The following SNRNP70 variants were observed in gnomAD, a reference collection of about 807,000 sequenced individuals.
The protein encoded by SNRNP70 is small nuclear ribonucleoprotein U1 subunit 70, also known as U1 small nuclear ribonucleoprotein 70 kDa.
A neutral mutation model predicts 50.5 loss-of-function variants in SNRNP70; 8 were observed. That is an observed-to-expected ratio of 0.16 (90% CI 0.09 to 0.29). SNRNP70 has a LOEUF of 0.29. Among genes scored for constraint, SNRNP70 ranks in the 10% least tolerant of loss-of-function variants. SNRNP70 has a pLI of 1.00. For synonymous variants in SNRNP70, 320 were observed against 252.9 expected, an observed-to-expected ratio of 1.27 and a Z score of -2.52; for missense variants, 529 against 663.5, an observed-to-expected ratio of 0.80 and a Z score of 2.23.
rs11398967 is a variant in SNRNP70, at chr19:49,087,177, C to CAAA, written c.147+635_147+637dup. On this transcript the variant is annotated intron_variant, in intron 2 of 9. Coordinates refer to ENST00000598441, the MANE Select transcript of SNRNP70 (RefSeq NM_003089.6). ...CCTGAGCAACAGAACAAGACTGTCT[C>CAAA]AAAAAAAAAAAAAAAAAAAAAGTGG... Among the ~76,000 whole-genome samples the CAAA allele has an allele frequency of 4.0e-3, 405 of 100,268 alleles. 11 individuals are homozygous for CAAA. Among genetic ancestry groups the CAAA allele is most frequent in the African/African-American group, 9.5e-3 (237 of 24,890 alleles). 65.8% of individuals were successfully genotyped at this position (100,268 alleles called of 152,430 possible).
intron 4 of SNRNP70, among the ~76,000 whole-genome samples, chr19:49,094,766 G>A (rs992423247): frequency 1.3e-5 from 2 of 152,206 alleles, no homozygotes; most frequent in African/African-American, 4.8e-5. Context: ...CTTGCTGAGC[G>A]CTTGTACTTG....
At position 49,108,406 on chromosome 19, in the gene SNRNP70, C is replaced by T. The variant is rs1420990441; in HGVS notation, c.1277C>T (p.Pro426Leu). ...GAGGGCGGCGACGGCTACCTGGCTC[C>T]GGAGAATGGGTATTTGATGGAGGCT... ...ESEGGDGYLAPENGYLMEAAP... is the reference protein window; with the variant it reads ...ESEGGDGYLALENGYLMEAAP... Residue 426 changes from proline to leucine, a missense_variant, in exon 10 of 10, where the codon CCG (proline) becomes CTG (leucine). By Grantham distance (98) the Pro-to-Leu change is moderately conservative. This residue lies in a region of SNRNP70 where 327 missense variants were observed against 308.8 expected (regional missense o/e 1.06). Transcript: ENST00000598441. 7 of 1,610,536 alleles carry T rather than the reference C, an allele frequency of 4.3e-6. No individual in the cohort carries two copies. Among genetic ancestry groups the T allele is most frequent in the East Asian group, 2.2e-5 (1 of 44,664 alleles).
chr19:49,108,405 C>G lies in SNRNP70; in HGVS notation c.1276C>G (p.Pro426Ala). The G allele has an allele frequency of 6.2e-7, 1 of 1,610,770 alleles. No homozygotes were observed. The highest frequency in any genetic ancestry group is 1.1e-5 in the South Asian group (1 of 90,456). The change falls in exon 10 of 10, where the codon CCG becomes GCG. Residue 426 changes from proline to alanine, a missense_variant. By Grantham distance (27) the Pro-to-Ala change is conservative. Around this residue, in one of 4 missense-constraint regions of SNRNP70, gnomAD observed 327 missense variants for 308.8 expected, o/e 1.06. Coordinates refer to ENST00000598441, the MANE Select transcript of SNRNP70 (RefSeq NM_003089.6). The part of the protein sequence containing the change: ...ESEGGDGYLA[P>A]ENGYLMEAAP... The stretch of plus-strand genomic sequence containing the variant: ...TGAGGGCGGCGACGGCTACCTGGCT[C>G]CGGAGAATGGGTATTTGATGGAGGC...
At chr19:49,098,590 G>C in intron 5 of SNRNP70, 52 bp from the exon 6 acceptor site, 1 of 1,588,894 alleles carries the variant, frequency 6.3e-7, no homozygotes, top group Non-Finnish European at 8.6e-7. Flanking sequence ...TGTTCCAGGG[G>C]CTGTGGGACA....
At chr19:49,087,055 C>T (rs1200121164) in intron 2 of SNRNP70, among the ~76,000 whole-genome samples, 2 of 151,416 alleles carry the variant, frequency 1.3e-5, no homozygotes, top group Non-Finnish European at 1.5e-5. Context: ...GACATGGTGC[C>T]TGTAATTCCA....
chr19:49,091,061 T>C (rs1481475273), intron 4 of SNRNP70, among the ~76,000 whole-genome samples: 1 of 152,074 alleles, frequency 6.6e-6, no homozygotes, highest in Non-Finnish European at 1.5e-5. Context: ...GTGGATGTGA[T>C]GGTGATCCTA....
rs1568424124 is a variant in SNRNP70, at chr19:49,107,531, C to T, written c.578-94C>T. ...CTGTGAACACTAAGCCAGGGGCTGC[C>T]TTCCTGCCCTTTGCTCTTGGAGTCG... On this transcript the variant is annotated intron_variant, in intron 8 of 9. Transcript: ENST00000598441. This position sits in a 1 kb window ranked among gnomAD's most constrained non-coding sequence, Gnocchi z 6.0. 1.6e-6 allele frequency: 2 copies of T among 1,226,508 alleles called. No homozygotes were observed. Among genetic ancestry groups the T allele is most frequent in the South Asian group, 1.2e-5 (1 of 80,452 alleles). 76.0% of individuals were successfully genotyped at this position (1,226,508 alleles called of 1,614,324 possible). A position where few individuals can be genotyped will look rare whatever the true frequency, so the allele number is the denominator to read the frequency against.
At chr19:49,097,509 CA>C (rs1294293419) in intron 4 of SNRNP70, among the ~76,000 whole-genome samples, 1 of 152,112 alleles carries the variant, frequency 6.6e-6, no homozygotes, top group Non-Finnish European at 1.5e-5. Context: ...GTCTGCAATT[CA>C]AAAAATTGCA....
At position 49,086,881 on chromosome 19, in the gene SNRNP70, AT is replaced by A. The variant is rs5828373; in HGVS notation, c.147+330del. 4.7e-5 allele frequency among the ~76,000 whole-genome samples: 7 copies of A among 149,980 alleles called. No homozygotes were observed. The East Asian group carries it at 5.9e-4, about 13-fold the overall frequency. ...CAGGACTTCGTCTCTCAAAAAAAAA[AT>A]TTTTTTTTTAAGTGGGGTTGTGGCC... On this transcript the variant is annotated intron_variant, in intron 2 of 9. Transcript: ENST00000598441.
chr19:49,099,619 A>G (rs1434297195), intron 6 of SNRNP70, among the ~76,000 whole-genome samples: 4 of 151,904 alleles, frequency 2.6e-5, no homozygotes, highest in Non-Finnish European at 5.9e-5. Context: ...GGCGCCCGTA[A>G]TCCCAGCTAC....
Position 49,108,203 on chromosome 19 carries a change from C to G in SNRNP70, c.1074C>G (p.His358Gln). 1 of 1,534,482 alleles carries G rather than the reference C, an allele frequency of 6.5e-7. No individual in the cohort carries two copies. Among genetic ancestry groups the G allele is most frequent in the Non-Finnish European group, 8.8e-7 (1 of 1,139,768 alleles). The change falls in exon 10 of 10, where the codon CAC (histidine) becomes CAG (glutamine). Residue 358 changes from histidine (H) to glutamine (Q), a missense_variant. Physicochemically the swap from His to Gln is conservative, Grantham distance 24 (BLOSUM62 0). Around this residue, in one of 4 missense-constraint regions of SNRNP70, gnomAD observed 327 missense variants for 308.8 expected, o/e 1.06. Coordinates refer to ENST00000598441, the MANE Select transcript of SNRNP70 (RefSeq NM_003089.6). ...RDRDRERRRS[H>Q]RSERERRRDR... ...GTGACCGGGAGCGACGGCGGAGCCA[C>G]CGGAGCGAGCGCGAGCGGCGCCGGG...
chr19:49,098,777 A>G, intron 6 of SNRNP70, 73 bp downstream of exon 6: 4 of 1,232,312 alleles, frequency 3.2e-6, no homozygotes, highest in Non-Finnish European at 4.8e-6. Context: ...AGGGAGGGAG[A>G]GAGGTCCCAG....
Position 49,086,399 on chromosome 19 carries a change from T to C in SNRNP70, c.-10-6T>C. On this transcript the variant is annotated splice_polypyrimidine_tract_variant and splice_region_variant and intron_variant, in intron 1 of 9. Transcript: ENST00000598441. ...TAACCTAAGGCTGTCCTGCTTCTGC[T>C]CTCAGACTTGGCAAGATGACCCAGT... 6.2e-6 allele frequency: 10 copies of C among 1,611,424 alleles called. No homozygotes were observed. The highest frequency in any genetic ancestry group is 8.5e-6 in the Non-Finnish European group (10 of 1,178,432).
intron 2 of SNRNP70, among the ~76,000 whole-genome samples, chr19:49,088,947 GC>G (rs2040415954): frequency 6.6e-6 from 1 of 152,132 alleles, no homozygotes; most frequent in Admixed American, 6.6e-5. Flanking sequence ...GCAGGGCCCT[GC>G]CATCACTCCA....
chr19:49,094,711 G>C (rs1285793245), intron 4 of SNRNP70, among the ~76,000 whole-genome samples: 1 of 152,228 alleles, frequency 6.6e-6, no homozygotes, highest in Non-Finnish European at 1.5e-5. Flanking sequence ...GAAGCTTGCT[G>C]TGCCTTGTCA....
chr19:49,103,909 C>G (rs2122389213), intron 7 of SNRNP70: 2 of 152,542 alleles, frequency 1.3e-5, no homozygotes, highest in Middle Eastern at 6.8e-3. Context: ...TGGGGCAGGG[C>G]TGGGGGGAGG....
In SNRNP70 at chr19:49,086,216, C is replaced by G. The variant is rs573055286; in HGVS notation, c.-10-189C>G. Among the ~76,000 whole-genome samples the G allele has an allele frequency of 2.0e-5, 3 of 152,288 alleles. No homozygotes were observed. In the South Asian group the frequency reaches 6.2e-4, roughly 32 times the overall value. ...CCGTTATTTTTGTTTTCTTTACCGGCCTTTCACCTCCACCCCCACCAAGAC... is the reference window on the plus strand; with the variant it reads ...CCGTTATTTTTGTTTTCTTTACCGGGCTTTCACCTCCACCCCCACCAAGAC... On this transcript the variant is annotated intron_variant, in intron 1 of 9. Coordinates refer to ENST00000598441, the MANE Select transcript of SNRNP70 (RefSeq NM_003089.6).
intron 1 of SNRNP70, 110 bp from the exon 2 acceptor site, chr19:49,086,295 T>C: frequency 7.7e-7 from 1 of 1,297,162 alleles, no homozygotes; most frequent in Non-Finnish European, 1.1e-6. Context: ...GAGCCTGTTT[T>C]AATTCCGAGA....
Position 49,108,213 on chromosome 19 carries a change from C to T in SNRNP70, c.1084C>T (p.Arg362Cys), listed in dbSNP as rs779906177. Residue 362 changes from arginine to cysteine, a missense_variant, in exon 10 of 10, where the codon CGC (arginine) becomes TGC (cysteine). Arg to Cys is a radical substitution (Grantham distance 180). Around this residue, in one of 4 missense-constraint regions of SNRNP70, gnomAD observed 327 missense variants for 308.8 expected, o/e 1.06. Transcript: ENST00000598441. ...GCGACGGCGGAGCCACCGGAGCGAG[C>T]GCGAGCGGCGCCGGGACCGGGATCG... Reference protein sequence around the residue: ...RERRRSHRSERERRRDRDRDR... With the variant: ...RERRRSHRSECERRRDRDRDR... 2 of 1,532,324 alleles carry T rather than the reference C, an allele frequency of 1.3e-6. No homozygotes were observed. Among genetic ancestry groups the T allele is most frequent in the South Asian group, 1.2e-5 (1 of 81,294 alleles). The allele number at this position is 1,532,324 out of a possible 1,614,324, so 94.9% of individuals were successfully genotyped here. A position where few individuals can be genotyped will look rare whatever the true frequency, so the allele number is the denominator to read the frequency against.
Sources: allele counts gnomAD v4.1 joint callset (sites outside exome capture counted in the v4.1 genomes callset), GRCh38; gene constraint gnomAD v4.1.1; regional missense constraint gnomAD v4.1.1; non-coding constraint Gnocchi (gnomAD v3.1); transcripts MANE v1.5; gene names NCBI Gene and HGNC (gene_info 2026-07-23, HGNC 2026-07-21).